Variants in DSCAM observed in about 807,000 individuals in gnomAD.
The protein encoded by DSCAM is cell adhesion molecule DSCAM.
A neutral mutation model predicts 217.7 loss-of-function variants in DSCAM; 47 were observed. The ratio of observed to expected loss-of-function variants is 0.22; its 90% confidence interval spans 0.17 to 0.28. The LOEUF is 0.28. Among genes scored for constraint, DSCAM ranks in the 10% least tolerant of loss-of-function variants. The pLI, the probability that DSCAM is intolerant of heterozygous loss-of-function variation, is 1.00. For synonymous variants in DSCAM, 1,056 were observed against 1,015.3 expected, an observed-to-expected ratio of 1.04 and a Z score of -0.76; for missense variants, 2,080 against 2,618.3, an observed-to-expected ratio of 0.79 and a Z score of 4.49.
At chr21:40,459,957 ACG>A (rs375877924) in intron 3 of DSCAM, among the ~76,000 whole-genome samples, 14 of 152,334 alleles carry the variant, frequency 9.2e-5, no homozygotes, top group African/African-American at 3.4e-4. Context: ...AACAAGTTCC[ACG>A]AGATCATGTC....
At chr21:40,507,279 AAAT>A (rs1431066505) in intron 3 of DSCAM, among the ~76,000 whole-genome samples, 13 of 152,072 alleles carry the variant, frequency 8.5e-5, no homozygotes, top group Admixed American at 7.2e-4. Context: ...TACATCTCAA[AAAT>A]AATAATAATA....
chr21:40,607,307 C>G (rs1210905745), intron 3 of DSCAM, among the ~76,000 whole-genome samples: 16 of 151,554 alleles, frequency 1.1e-4, no homozygotes, highest in Admixed American at 1.1e-3. Context: ...TCCAATCAGT[C>G]AAAGGAATTC....
chr21:40,342,143 T>C (rs1269371532), intron 6 of DSCAM, among the ~76,000 whole-genome samples: 1 of 152,178 alleles, frequency 6.6e-6, no homozygotes, highest in Non-Finnish European at 1.5e-5. Context: ...ACTGTTTGCC[T>C]TTTTGTTTTT....
In DSCAM at chr21:40,227,830, G is replaced by T. The variant is rs138262356; in HGVS notation, c.2357-38592C>A. On this transcript the variant is annotated intron_variant, in intron 11 of 32. Transcript: ENST00000400454. ...GGCACGTTTGTTACAATTATTGAAT[G>T]ACTATTAATGCATTGTTAACTAAGT... is the stretch of plus-strand genomic sequence containing the variant. Among the ~76,000 whole-genome samples the T allele has an allele frequency of 1.8e-3, 269 of 152,274 alleles. 1 individual carries two copies. The highest frequency in any genetic ancestry group is 6.0e-3 in the African/African-American group (249 of 41,556).
At chr21:40,471,931 T>C (rs2075892212) in intron 3 of DSCAM, among the ~76,000 whole-genome samples, 2 of 152,180 alleles carry the variant, frequency 1.3e-5, no homozygotes, top group South Asian at 4.1e-4. Flanking sequence ...CTCCTAATGC[T>C]ATTCCTCCCC....
At chr21:40,786,362 A>G (rs538084273) in intron 1 of DSCAM, among the ~76,000 whole-genome samples, 1 of 152,314 alleles carries the variant, frequency 6.6e-6, no homozygotes, top group African/African-American at 2.4e-5. Flanking sequence ...AATCATCCAC[A>G]TATAAACTTC....
At chr21:40,743,881 T>C (rs1262479935) in intron 1 of DSCAM, among the ~76,000 whole-genome samples, 1 of 152,176 alleles carries the variant, frequency 6.6e-6, no homozygotes, top group African/African-American at 2.4e-5. Flanking sequence ...AGGAGAAACA[T>C]GAGCAAGATT....
At chr21:40,774,475 TC>T (rs1469925515) in intron 1 of DSCAM, among the ~76,000 whole-genome samples, 5 of 152,248 alleles carry the variant, frequency 3.3e-5, no homozygotes, top group Non-Finnish European at 7.3e-5. Flanking sequence ...TTCCTTTCCT[TC>T]TTTGTTGCCT....
intron 3 of DSCAM, among the ~76,000 whole-genome samples, chr21:40,684,934 C>T (rs2090457073): frequency 1.3e-5 from 2 of 152,080 alleles, no homozygotes; most frequent in Admixed American, 1.3e-4. Flanking sequence ...AACCAAACAT[C>T]ACGGGGAGAG....
chr21:40,572,711 T>C (rs573292082), intron 3 of DSCAM, among the ~76,000 whole-genome samples: 1 of 152,288 alleles, frequency 6.6e-6, no homozygotes, highest in East Asian at 1.9e-4. Flanking sequence ...GTAATTATCT[T>C]AAATGTGTAT....
At chr21:40,498,486 C>T (rs2076137064) in intron 3 of DSCAM, among the ~76,000 whole-genome samples, 1 of 151,470 alleles carries the variant, frequency 6.6e-6, no homozygotes, top group Admixed American at 6.6e-5. Context: ...TAGAAACTGA[C>T]TTCTGTATAA....
At chr21:40,037,017 C>G (rs1157998939) in intron 32 of DSCAM, among the ~76,000 whole-genome samples, 1 of 150,346 alleles carries the variant, frequency 6.7e-6, no homozygotes, top group African/African-American at 2.5e-5. Context: ...GGACGTATTT[C>G]AAAATAATAA....
chr21:40,233,578 C>T (rs1171439744), intron 11 of DSCAM, among the ~76,000 whole-genome samples: 1 of 152,122 alleles, frequency 6.6e-6, no homozygotes, highest in Non-Finnish European at 1.5e-5. Context: ...CTTTTTGCCC[C>T]TATGTCCACC....
intron 32 of DSCAM, among the ~76,000 whole-genome samples, chr21:40,018,976 A>T (rs1002198653): frequency 1.3e-5 from 2 of 152,354 alleles, no homozygotes; most frequent in African/African-American, 4.8e-5. Context: ...TAGCGTCCAA[A>T]GTAGCCCTTT....
In DSCAM at chr21:40,124,228, C is replaced by T; in HGVS notation, c.3663G>A (p.Lys1221=). The change falls in exon 20 of 33, where the codon AAG becomes AAA. Residue 1221 remains lysine, a synonymous_variant. Coordinates refer to ENST00000400454, the MANE Select transcript of DSCAM (RefSeq NM_001389.5). ...AGGGGTGGGAGCAGAATACAGTGTA[C>T]TTTCGGATGATGCCGTTCAGCTTGA... ...PPLKLNGIIR[K]YTVFCSHPYP... is the part of the protein sequence containing the mutation. 6.2e-7 allele frequency: 1 copy of T among 1,614,016 alleles called. No homozygotes were observed. Among genetic ancestry groups the T allele is most frequent in the Non-Finnish European group, 8.5e-7 (1 of 1,180,026 alleles).
intron 3 of DSCAM, among the ~76,000 whole-genome samples, chr21:40,402,982 A>G (rs909782572): frequency 3.3e-5 from 5 of 150,192 alleles, no homozygotes; most frequent in Non-Finnish European, 5.9e-5. Flanking sequence ...CCCCCACCCC[A>G]TAATTCATAG....
intron 2 of DSCAM, among the ~76,000 whole-genome samples, chr21:40,693,729 C>G (rs1219334824): frequency 6.6e-6 from 1 of 152,174 alleles, no homozygotes; most frequent in Non-Finnish European, 1.5e-5. Context: ...TTGGGAAACA[C>G]TGATCCTGCT....
intron 11 of DSCAM, among the ~76,000 whole-genome samples, chr21:40,267,138 C>G (rs2073549057): frequency 6.6e-6 from 1 of 151,820 alleles, no homozygotes; most frequent in African/African-American, 2.4e-5. Flanking sequence ...AACAATTCAT[C>G]TATGTCATCA....
At chr21:40,409,235 A>C (rs527438628) in intron 3 of DSCAM, among the ~76,000 whole-genome samples, 1 of 152,348 alleles carries the variant, frequency 6.6e-6, no homozygotes, top group South Asian at 2.1e-4. Context: ...TTTAAATGTT[A>C]CATTACACTA....
Sources: allele counts gnomAD v4.1 joint callset (sites outside exome capture counted in the v4.1 genomes callset), GRCh38; gene constraint gnomAD v4.1.1; transcripts MANE v1.5; gene names NCBI Gene and HGNC (gene_info 2026-07-23, HGNC 2026-07-21).